The following CCAR2 variants were observed in gnomAD, a reference collection of about 807,000 sequenced individuals.
CCAR2 encodes cell cycle and apoptosis regulator protein 2.
CCAR2 carries 21 observed loss-of-function variants against 108.1 expected under a neutral mutation model. The observed-to-expected ratio is 0.19, with a 90% CI of 0.14 to 0.28. The LOEUF is 0.28. Ranked by LOEUF, CCAR2 falls within the 10% of genes least tolerant of loss-of-function variation. The pLI is 1.00. For synonymous variants in CCAR2, 577 were observed against 472.8 expected, an observed-to-expected ratio of 1.22 and a Z score of -2.86; for missense variants, 1,126 against 1,177.0, an observed-to-expected ratio of 0.96 and a Z score of 0.63.
In CCAR2 at chr8:22,605,736, C is replaced by T; in HGVS notation, c.-38C>T. The T allele has an allele frequency of 1.3e-6, 2 of 1,577,174 alleles. No individual in the cohort carries two copies. Among genetic ancestry groups the T allele is most frequent in the Non-Finnish European group, 1.7e-6 (2 of 1,150,074 alleles). ...TAATTTCTTTCTTTTTGGATTGAAG[C>T]CTTTTCCCCACGACTCTGAAAGAGG... On this transcript the variant is annotated splice_region_variant and 5_prime_UTR_variant, in exon 2 of 21. Coordinates refer to ENST00000308511, the MANE Select transcript of CCAR2 (RefSeq NM_001393997.1).
In CCAR2 at chr8:22,618,361, G is replaced by C; in HGVS notation, c.2086G>C (p.Asp696His). Residue 696 changes from aspartate to histidine, a missense_variant, in exon 17 of 21, where the codon GAT becomes CAT. Asp to His is a moderately conservative substitution (Grantham distance 81). Coordinates refer to ENST00000308511, the MANE Select transcript of CCAR2 (RefSeq NM_001393997.1). Reference protein sequence around the residue: ...SSLQDMPKELDPSAVLPLDCL... With the variant: ...SSLQDMPKELHPSAVLPLDCL... ...GTTTTCTTTGCAGCCCAAGGAGCTG[G>C]ATCCCTCTGCTGTGCTCCCCTTAGA... 6.2e-7 allele frequency: 1 copy of C among 1,614,234 alleles called. No individual in the cohort carries two copies. The highest frequency in any genetic ancestry group is 8.5e-7 in the Non-Finnish European group (1 of 1,180,046).
Position 22,606,693 on chromosome 8 carries a change from G to A in CCAR2, c.237G>A (p.Gln79=). 1 of 1,613,616 alleles carries A rather than the reference G, an allele frequency of 6.2e-7. No homozygotes were observed. Among genetic ancestry groups the A allele is most frequent in the South Asian group, 1.1e-5 (1 of 91,018 alleles). The change falls in exon 4 of 21, where the codon CAG becomes CAA. Residue 79 remains glutamine, a synonymous_variant. Coordinates refer to ENST00000308511, the MANE Select transcript of CCAR2 (RefSeq NM_001393997.1). ...FGVVDEEVFF[Q]LSVVKGRLPQ... is the part of the protein sequence containing the mutation. ...TTGTGGATGAAGAGGTCTTTTTTCA[G>A]CTAAGGTAGGCTTGAGGTTGGTCCC...
At chr8:22,621,440 G>A (rs575499906), downstream of CCAR2, 1 of 1,613,564 alleles carries the variant, frequency 6.2e-7, no homozygotes, top group Non-Finnish European at 8.5e-7. Flanking sequence ...CGGCCACAAT[G>A]GAGAGGGCCC....
intron 16 of CCAR2, chr8:22,618,133 A>G: frequency 1.6e-6 from 1 of 624,108 alleles, no homozygotes; most frequent in Non-Finnish European, 2.8e-6. Flanking sequence ...AGGCTGGAGC[A>G]CAGTGGTTAT....
chr8:22,619,292 G>A lies in CCAR2; in HGVS notation c.2664G>A (p.Leu888=). ...AERQKSQLQR[L]LQELRRRLTP... ...GACAGAAGAGCCAGCTCCAGCGGCT[G>A]CTGCAGGAGCTCCGCAGGCGTCTGA... Residue 888 remains leucine, a synonymous_variant, in exon 20 of 21, where the codon CTG becomes CTA. Coordinates refer to ENST00000308511, the MANE Select transcript of CCAR2 (RefSeq NM_001393997.1). 1 of 1,564,378 alleles carries A rather than the reference G, an allele frequency of 6.4e-7. No individual in the cohort carries two copies. Among genetic ancestry groups the A allele is most frequent in the Non-Finnish European group, 8.7e-7 (1 of 1,155,138 alleles).
chr8:22,613,614 A>T (rs992279338), intron 8 of CCAR2, among the ~76,000 whole-genome samples: 7 of 152,162 alleles, frequency 4.6e-5, no homozygotes, highest in African/African-American at 1.7e-4. Context: ...TGGGGTGTGG[A>T]GACCTTATTT....
chr8:22,606,698 G>A lies in CCAR2; in HGVS notation c.242G>A (p.Ser81Asn). 6.2e-7 allele frequency: 1 copy of A among 1,613,562 alleles called. No individual in the cohort carries two copies. The highest frequency in any genetic ancestry group is 8.5e-7 in the Non-Finnish European group (1 of 1,179,574). Residue 81 changes from serine (S) to asparagine (N), a missense_variant and splice_region_variant, in exon 4 of 21, where the codon AGT becomes AAT. Transcript: ENST00000308511. The part of the protein sequence containing the change: ...VVDEEVFFQL[S>N]VVKGRLPQLG... ...GATGAAGAGGTCTTTTTTCAGCTAAGGTAGGCTTGAGGTTGGTCCCCTAAC... is the reference window on the plus strand; with the variant it reads ...GATGAAGAGGTCTTTTTTCAGCTAAAGTAGGCTTGAGGTTGGTCCCCTAAC...
At chr8:22,618,235 C>A in intron 16 of CCAR2, 114 bp from the exon 17 acceptor site, 1 of 1,389,150 alleles carries the variant, frequency 7.2e-7, no homozygotes, top group South Asian at 1.3e-5. Flanking sequence ...GGACTTCAGG[C>A]ATGCATCACT....
chr8:22,607,120 G>T (rs1379749676), intron 5 of CCAR2, 76 bp from the exon 6 acceptor site: 1 of 1,608,872 alleles, frequency 6.2e-7, no homozygotes, highest in East Asian at 2.2e-5. Flanking sequence ...TGTCAGGGGG[G>T]TGGGACTGCA....
At chr8:22,617,801 C>T (rs200495038) in intron 16 of CCAR2, 23 bp downstream of exon 16, 2 of 1,610,644 alleles carry the variant, frequency 1.2e-6, no homozygotes, top group Non-Finnish European at 1.7e-6. Flanking sequence ...CTCGACCACT[C>T]TGGGTCTCAG....
chr8:22,615,419 G>A lies in CCAR2; in HGVS notation c.1206-6G>A. 1.9e-6 allele frequency: 3 copies of A among 1,612,570 alleles called. No homozygotes were observed. Among genetic ancestry groups the A allele is most frequent in the Non-Finnish European group, 2.5e-6 (3 of 1,179,236 alleles). ...AGAAGTTAGTACCTCCTTTTGCCAT[G>A]TGCAGGTGGCGCTTTGCCGAGTTTC... On this transcript the variant is annotated splice_polypyrimidine_tract_variant and splice_region_variant and intron_variant, in intron 11 of 20. Coordinates refer to ENST00000308511, the MANE Select transcript of CCAR2 (RefSeq NM_001393997.1).
At chr8:22,605,151 G>A (rs1244230485) in intron 1 of CCAR2, 2 of 193,744 alleles carry the variant, frequency 1.0e-5, no homozygotes, top group Non-Finnish European at 2.2e-5. Flanking sequence ...GTGGCGCGCA[G>A]CCGGTTTCGC....
intron 7 of CCAR2, among the ~76,000 whole-genome samples, chr8:22,609,041 C>G (rs1255431972): frequency 1.3e-5 from 2 of 148,670 alleles, no homozygotes; most frequent in Non-Finnish European, 3.0e-5. Context: ...AACCCTTAAC[C>G]CTTTTTTTTT....
At chr8:22,615,621 C>CG in intron 12 of CCAR2, 25 bp downstream of exon 12, 1 of 1,613,544 alleles carries the variant, frequency 6.2e-7, no homozygotes, top group Non-Finnish European at 8.5e-7. Context: ...TAGCCAGCAG[C>CG]GGGGGATATA....
chr8:22,608,018 C>T lies in CCAR2; in HGVS notation c.537C>T (p.Asn179=). ...TSHTLHLSHL[N]RFPARGPHGR... is the part of the protein sequence containing the mutation. Reference sequence around the variant, plus strand: ...ACACACTTCACCTGAGCCACCTGAACAGATTTCCTGCCCGGGGCCCTCATG... The same window carrying T: ...ACACACTTCACCTGAGCCACCTGAATAGATTTCCTGCCCGGGGCCCTCATG... The change falls in exon 7 of 21, where the codon AAC becomes AAT. Residue 179 remains asparagine (N), a synonymous_variant. Transcript: ENST00000308511. The T allele has an allele frequency of 1.2e-6, 2 of 1,614,050 alleles. No individual in the cohort carries two copies. Among genetic ancestry groups the T allele is most frequent in the Non-Finnish European group, 1.7e-6 (2 of 1,180,002 alleles).
intron 17 of CCAR2, 50 bp downstream of exon 17, chr8:22,618,545 C>T (rs199541500): frequency 1.1e-5 from 18 of 1,613,954 alleles, no homozygotes; most frequent in Middle Eastern, 1.6e-4. Flanking sequence ...TGCACTTACT[C>T]CTGCTCTAGG....
intron 7 of CCAR2, among the ~76,000 whole-genome samples, chr8:22,611,418 A>ATGTGTGTG (rs1554560001): frequency 1.6e-4 from 17 of 103,250 alleles, no homozygotes; most frequent in Middle Eastern, 4.8e-3. Flanking sequence ...GTGTGTGTAT[A>ATGTGTGTG]TATGTGTGTA....
intron 7 of CCAR2, 82 bp from the exon 8 acceptor site, chr8:22,612,935 G>T (rs760732157): frequency 4.2e-6 from 6 of 1,443,154 alleles, no homozygotes; most frequent in Non-Finnish European, 3.8e-6. Context: ...GATTTCGATT[G>T]TTTCCAGTTC....
chr8:22,615,097 T>A (rs1801446203), intron 11 of CCAR2, 96 bp downstream of exon 11: 2 of 1,404,398 alleles, frequency 1.4e-6, no homozygotes, highest in Non-Finnish European at 9.4e-7. Flanking sequence ...GCTGGTTAGC[T>A]CTCTGCCCCC....
Sources: allele counts gnomAD v4.1 joint callset (sites outside exome capture counted in the v4.1 genomes callset), GRCh38; gene constraint gnomAD v4.1.1; transcripts MANE v1.5; gene names NCBI Gene and HGNC (gene_info 2026-07-23, HGNC 2026-07-21).